Variants in NEK11 observed in about 807,000 individuals in gnomAD.
NEK11 encodes serine/threonine-protein kinase Nek11.
NEK11 carries 72 observed loss-of-function variants against 80.7 expected under a neutral mutation model. The ratio of observed to expected loss-of-function variants is 0.89; its 90% CI spans 0.74 to 1.08. The LOEUF (loss-of-function observed/expected upper bound fraction) is 1.08, where lower values mean the gene tolerates loss of function less well. Among genes scored for constraint, NEK11 ranks in the 50% least tolerant of loss-of-function variants. The probability of loss-of-function intolerance (pLI) is 0.00; values close to 1 mark genes in which losing one functional copy is unlikely to be tolerated. For synonymous variants in NEK11, 251 were observed against 260.7 expected (o/e 0.96, Z 0.36); for missense variants, 764 against 763.6 (o/e 1.00, Z -0.01).
chr3:131,108,578 A>G (rs549514051), intron 4 of NEK11, among the ~76,000 whole-genome samples: 1 of 152,244 alleles, frequency 6.6e-6, no homozygotes, highest in East Asian at 1.9e-4. Context: ...TTTTATTTTT[A>G]TAGCAATTGA....
chr3:131,227,763 A>C (rs1233708209), intron 14 of NEK11, among the ~76,000 whole-genome samples: 2 of 152,024 alleles, frequency 1.3e-5, no homozygotes, highest in African/African-American at 4.8e-5. Flanking sequence ...CCATTAGTAA[A>C]TTATATTGTT....
chr3:131,162,919 G>A (rs2091807076), intron 11 of NEK11, among the ~76,000 whole-genome samples: 1 of 152,158 alleles, frequency 6.6e-6, no homozygotes, highest in Admixed American at 6.5e-5. Context: ...CTTATTTATA[G>A]GAAGGAGACT....
chr3:131,317,933 CTCAG>C (rs1297041550), intron 17 of NEK11, among the ~76,000 whole-genome samples: 1 of 152,018 alleles, frequency 6.6e-6, no homozygotes, highest in African/African-American at 2.4e-5. Context: ...GTCCGTCCTC[CTCAG>C]TATGTCTGAC....
intron 7 of NEK11, among the ~76,000 whole-genome samples, chr3:131,137,377 G>A (rs1461255145): frequency 2.6e-5 from 4 of 152,146 alleles, no homozygotes; most frequent in Non-Finnish European, 4.4e-5. Context: ...GAGAAATACA[G>A]TCCAACTTGC....
In NEK11 at chr3:131,029,811, C is replaced by G. The variant is rs1262727982; in HGVS notation, c.103C>G (p.Leu35Val). The G allele has an allele frequency of 6.2e-7, 1 of 1,614,204 alleles. No homozygotes were observed. The highest frequency in any genetic ancestry group is 1.7e-5 in the Admixed American group (1 of 60,030). Residue 35 changes from leucine to valine, a missense_variant, in exon 3 of 18, where the codon CTT (leucine) becomes GTT (valine). Physicochemically the swap from Leu to Val is conservative, Grantham distance 32. Transcript: ENST00000383366. ...IARRYVLQQK[L>V]GSGSFGTVYL... Reference sequence around the variant, plus strand: ...AAGAAGATACGTGCTTCAACAAAAACTTGGCAGTGGAAGTTTTGGAACTGT... The same window carrying G: ...AAGAAGATACGTGCTTCAACAAAAAGTTGGCAGTGGAAGTTTTGGAACTGT...
intron 14 of NEK11, among the ~76,000 whole-genome samples, chr3:131,174,494 C>T (rs1169895809): frequency 6.6e-6 from 1 of 152,190 alleles, no homozygotes; most frequent in Non-Finnish European, 1.5e-5. Flanking sequence ...TTGAATTGGA[C>T]AATTCCCTCT....
intron 17 of NEK11, among the ~76,000 whole-genome samples, 161 bp downstream of exon 17, chr3:131,273,735 A>G (rs745477797): frequency 4.6e-5 from 7 of 152,142 alleles, no homozygotes. Context: ...TCTAAAATTC[A>G]CTTTCTGTAT....
chr3:131,277,450 A>G (rs1421250289), intron 17 of NEK11, among the ~76,000 whole-genome samples: 1 of 152,180 alleles, frequency 6.6e-6, no homozygotes, highest in Admixed American at 6.5e-5. Context: ...CCCCATTGTT[A>G]CATAAGCAAA....
At chr3:131,036,298 G>A (rs1467991437) in intron 3 of NEK11, among the ~76,000 whole-genome samples, 15 of 152,232 alleles carry the variant, frequency 9.9e-5, no homozygotes, top group Non-Finnish European at 1.3e-4. Context: ...TGGTCATCTG[G>A]AGCTTGAGTC....
chr3:131,203,791 A>G (rs1241417717), intron 14 of NEK11, among the ~76,000 whole-genome samples: 35 of 8,130 alleles, frequency 4.3e-3, no homozygotes, highest in African/African-American at 8.5e-3. Flanking sequence ...ATATATATAT[A>G]TATATATATA....
chr3:131,215,933 A>G (rs2094820130), intron 14 of NEK11, among the ~76,000 whole-genome samples: 1 of 152,184 alleles, frequency 6.6e-6, no homozygotes, highest in East Asian at 1.9e-4. Context: ...GTCCAGTAGA[A>G]TTTTCTGCAG....
chr3:131,242,181 A>T (rs1189612710), intron 15 of NEK11, among the ~76,000 whole-genome samples: 1 of 152,280 alleles, frequency 6.6e-6, no homozygotes, highest in East Asian at 1.9e-4. Context: ...ATTTGACTAA[A>T]CTTGAATCTG....
chr3:131,069,977 T>TA (rs201897456), intron 3 of NEK11, among the ~76,000 whole-genome samples: 56 of 149,044 alleles, frequency 3.8e-4, no homozygotes, highest in Middle Eastern at 3.5e-3. Flanking sequence ...TAAAGTATAA[T>TA]AAAAAAAAAA....
chr3:131,093,579 G>A (rs577657979), intron 4 of NEK11, among the ~76,000 whole-genome samples: 1 of 152,178 alleles, frequency 6.6e-6, no homozygotes, highest in African/African-American at 2.4e-5. Flanking sequence ...ACCACGCTTG[G>A]CTAATTTTTG....
intron 14 of NEK11, among the ~76,000 whole-genome samples, chr3:131,190,725 A>G (rs2093761837): frequency 6.6e-6 from 1 of 152,188 alleles, no homozygotes; most frequent in Non-Finnish European, 1.5e-5. Context: ...TATGGTAAAA[A>G]GTTTAGTGGG....
At chr3:131,044,422 C>CAAAAAAAAAAAAAAAAAAA (rs57412173) in intron 3 of NEK11, among the ~76,000 whole-genome samples, 1 of 37,764 alleles carries the variant, frequency 2.6e-5, no homozygotes, top group Non-Finnish European at 3.9e-5. Flanking sequence ...AAATGGAAAG[C>CAAAAAAAAAAAAAAAAAAA]AAAAAAAAAA....
chr3:131,178,828 G>A (rs944678460), intron 14 of NEK11, among the ~76,000 whole-genome samples: 1 of 152,162 alleles, frequency 6.6e-6, no homozygotes, highest in Non-Finnish European at 1.5e-5. Context: ...TGTTTACACT[G>A]CGTCACTAGG....
chr3:131,174,845 G>T, intron 14 of NEK11: 1 of 1,587,542 alleles, frequency 6.3e-7, no homozygotes. Flanking sequence ...GGTCTACAAG[G>T]AGCATGACTC....
chr3:131,222,567 T>C (rs1018775593), intron 14 of NEK11, among the ~76,000 whole-genome samples: 1 of 152,250 alleles, frequency 6.6e-6, no homozygotes, highest in African/African-American at 2.4e-5. Context: ...CGAGCTCTTC[T>C]AAGGTAAAGT....
Sources: gnomAD v4.1 joint callset for allele counts (sites outside exome capture counted in the v4.1 genomes callset) on GRCh38, gnomAD v4.1.1 for gene constraint, MANE v1.5 for transcripts, NCBI Gene and HGNC (gene_info 2026-07-23, HGNC 2026-07-21) for gene names.